TAFA4: variants seen among roughly 807,000 people sequenced by gnomAD.
TAFA4 encodes chemokine-like protein TAFA-4.
Under a neutral mutation model 21.1 loss-of-function variants are expected in TAFA4, and 20 were observed. The ratio of observed to expected loss-of-function variants is 0.95; its 90% CI spans 0.67 to 1.38. The LOEUF is 1.38. TAFA4 is among the 40% of genes most tolerant of loss of function. TAFA4 has a pLI of 0.00. For synonymous variants in TAFA4, 71 were observed against 67.4 expected (o/e 1.05, Z -0.26); for missense variants, 211 against 180.9 (o/e 1.17, Z -0.95).
chr3:68,864,126 G>T (rs1375803494), intron 3 of TAFA4, among the ~76,000 whole-genome samples: 1 of 151,892 alleles, frequency 6.6e-6, no homozygotes, highest in Non-Finnish European at 1.5e-5. Flanking sequence ...AAAAACTTCT[G>T]CTCCTCAAAA....
At chr3:68,887,287 T>C (rs186226584) in intron 1 of TAFA4, among the ~76,000 whole-genome samples, 352 of 152,354 alleles carry the variant, frequency 2.3e-3, no homozygotes, top group Non-Finnish European at 3.7e-3. Flanking sequence ...CTGTATGTCC[T>C]GCATCCTGGA....
intron 3 of TAFA4, among the ~76,000 whole-genome samples, chr3:68,780,317 T>C (rs1703130726): frequency 6.6e-6 from 1 of 152,184 alleles, no homozygotes; most frequent in Non-Finnish European, 1.5e-5. Context: ...GGGAGACTAT[T>C]GGGAAGGCAT....
intron 3 of TAFA4, among the ~76,000 whole-genome samples, chr3:68,783,518 T>G (rs1703186672): frequency 6.6e-6 from 1 of 151,996 alleles, no homozygotes; most frequent in African/African-American, 2.4e-5. Flanking sequence ...TTGTAAACAC[T>G]GAGGACTTTT....
rs116019917 is a variant in TAFA4 at position 68,799,589 on chromosome 3, G to A, written c.131-46571C>T. 6.3e-3 allele frequency among the ~76,000 whole-genome samples: 957 copies of A among 152,258 alleles called. 9 individuals carry two copies. Among genetic ancestry groups the A allele is most frequent in the African/African-American group, 0.022 (907 of 41,542 alleles). ...GGGGAAGCTATCCCTGGTTAGCCACGTGGTCCCAATTTAATCCCATAGCTC... is the reference window on the plus strand; with the variant it reads ...GGGGAAGCTATCCCTGGTTAGCCACATGGTCCCAATTTAATCCCATAGCTC... On this transcript the variant is annotated intron_variant, in intron 3 of 5. Coordinates refer to ENST00000295569, the MANE Select transcript of TAFA4 (RefSeq NM_182522.5).
At chr3:68,841,724 G>A (rs1704670139) in intron 3 of TAFA4, among the ~76,000 whole-genome samples, 1 of 151,764 alleles carries the variant, frequency 6.6e-6, no homozygotes, top group South Asian at 2.1e-4. Context: ...AGGCCCTTGT[G>A]TGTGATGTTC....
intron 3 of TAFA4, among the ~76,000 whole-genome samples, chr3:68,844,746 T>C (rs1261715868): frequency 6.6e-6 from 1 of 152,168 alleles, no homozygotes; most frequent in African/African-American, 2.4e-5. Flanking sequence ...TCAAAGAACT[T>C]GTTTATTTCT....
intron 3 of TAFA4, among the ~76,000 whole-genome samples, chr3:68,852,659 G>C (rs1704976624): frequency 6.6e-6 from 1 of 152,122 alleles, no homozygotes; most frequent in South Asian, 2.1e-4. Context: ...GCCAAGTTTA[G>C]CTTCAGCATA....
intron 3 of TAFA4, among the ~76,000 whole-genome samples, chr3:68,810,903 C>A (rs879637405): frequency 1.3e-5 from 2 of 152,156 alleles, no homozygotes; most frequent in Non-Finnish European, 2.9e-5. Context: ...CCCGAGTAGC[C>A]TAACTGGGAG....
chr3:68,830,237 A>G (rs1375412587), intron 3 of TAFA4, among the ~76,000 whole-genome samples: 4 of 151,870 alleles, frequency 2.6e-5, no homozygotes, highest in Non-Finnish European at 5.9e-5. Context: ...TAGCTTTTGA[A>G]TTTGTTTGCT....
intron 1 of TAFA4, among the ~76,000 whole-genome samples, chr3:68,891,809 T>C: frequency 6.6e-6 from 1 of 152,208 alleles, no homozygotes; most frequent in East Asian, 1.9e-4. Context: ...AGAACTTGCC[T>C]ACATAAAACC....
At chr3:68,811,301 C>G (rs1703832280) in intron 3 of TAFA4, among the ~76,000 whole-genome samples, 1 of 152,170 alleles carries the variant, frequency 6.6e-6, no homozygotes, top group African/African-American at 2.4e-5. Flanking sequence ...TCCTCACCAG[C>G]AACGGAACAA....
chr3:68,899,511 C>G (rs572510249), intron 1 of TAFA4, among the ~76,000 whole-genome samples: 27 of 152,074 alleles, frequency 1.8e-4, no homozygotes, highest in African/African-American at 6.0e-4. Flanking sequence ...AGCCATTCCT[C>G]CTATTCAGGA....
intron 3 of TAFA4, among the ~76,000 whole-genome samples, chr3:68,833,342 TC>T (rs1449131771): frequency 2.0e-5 from 3 of 152,222 alleles, no homozygotes; most frequent in Non-Finnish European, 4.4e-5. Flanking sequence ...ATAATAAATT[TC>T]TATTTTAAAG....
intron 3 of TAFA4, among the ~76,000 whole-genome samples, chr3:68,797,596 G>C (rs572209158): frequency 5.7e-5 from 7 of 121,760 alleles, no homozygotes; most frequent in Admixed American, 4.2e-4. Context: ...CTGGGCAACA[G>C]AGTGAGACTC....
chr3:68,781,322 A>T (rs1703150153), intron 3 of TAFA4, among the ~76,000 whole-genome samples: 1 of 149,992 alleles, frequency 6.7e-6, no homozygotes, highest in African/African-American at 2.5e-5. Flanking sequence ...AAAAATAATT[A>T]AAAACAACTA....
At chr3:68,743,891 A>C (rs1380526510) in intron 4 of TAFA4, among the ~76,000 whole-genome samples, 1 of 152,212 alleles carries the variant, frequency 6.6e-6, no homozygotes, top group Non-Finnish European at 1.5e-5. Context: ...AGTTCTACAT[A>C]GAGTTTTACT....
At chr3:68,817,727 T>C (rs1469661591) in intron 3 of TAFA4, among the ~76,000 whole-genome samples, 1 of 152,146 alleles carries the variant, frequency 6.6e-6, no homozygotes, top group East Asian at 1.9e-4. Context: ...ACCAGGGGCA[T>C]TGTCAATGAG....
intron 3 of TAFA4, among the ~76,000 whole-genome samples, chr3:68,783,757 G>GA (rs1310357090): frequency 6.7e-6 from 1 of 149,072 alleles, no homozygotes; most frequent in African/African-American, 2.5e-5. Flanking sequence ...AAGAAAGAAA[G>GA]AAACAAAAAC....
At chr3:68,867,443 A>G (rs1339879618) in intron 3 of TAFA4, among the ~76,000 whole-genome samples, 2 of 152,136 alleles carry the variant, frequency 1.3e-5, no homozygotes, top group African/African-American at 4.8e-5. Context: ...GAGTTCTTCA[A>G]TCTGAAAGAA....
Sources: gnomAD v4.1 joint callset for allele counts (sites outside exome capture counted in the v4.1 genomes callset) on GRCh38, gnomAD v4.1.1 for gene constraint, MANE v1.5 for transcripts, NCBI Gene and HGNC (gene_info 2026-07-23, HGNC 2026-07-21) for gene names.